PSMD5: variants seen among roughly 807,000 people sequenced by gnomAD.
PSMD5 encodes 26S proteasome non-ATPase regulatory subunit 5.
Under a neutral mutation model 52.1 loss-of-function variants are expected in PSMD5, and 40 were observed. The observed-to-expected ratio is 0.77, with a 90% CI of 0.60 to 1.00. The LOEUF (loss-of-function observed/expected upper bound fraction) is 1.00. Ranked by LOEUF, PSMD5 falls within the 50% of genes least tolerant of loss-of-function variation. The pLI is 0.00. For missense variants in PSMD5, 575 were observed against 605.2 expected, an observed-to-expected ratio of 0.95 and a Z score of 0.52; for synonymous variants, 211 against 226.6, an observed-to-expected ratio of 0.93 and a Z score of 0.62.
chr9:120,835,425 C>T (rs2045190991), intron 1 of PSMD5, among the ~76,000 whole-genome samples: 1 of 151,932 alleles, frequency 6.6e-6, no homozygotes, highest in South Asian at 2.1e-4. Flanking sequence ...TAGACGAATC[C>T]ATATAGAAAG....
chr9:120,830,662 C>T (rs2045153333), intron 4 of PSMD5, among the ~76,000 whole-genome samples: 1 of 152,028 alleles, frequency 6.6e-6, no homozygotes, highest in Admixed American at 6.6e-5. Context: ...CAAACATGCA[C>T]CCTATTAACT....
At chr9:120,822,036 A>G (rs1260006886) in intron 7 of PSMD5, among the ~76,000 whole-genome samples, 1 of 152,182 alleles carries the variant, frequency 6.6e-6, no homozygotes. Flanking sequence ...TATACCTGAA[A>G]GTGGAGCTGC....
rs754123712 is a variant in PSMD5, at chr9:120,817,916, CCTT to C, written c.1502_1504del (p.Glu501del). 5 of 1,611,906 alleles carry C rather than the reference CCTT, an allele frequency of 3.1e-6. No individual in the cohort carries two copies. Among genetic ancestry groups the C allele is most frequent in the Non-Finnish European group, 3.4e-6 (4 of 1,178,202 alleles). On this transcript the variant is annotated inframe_deletion, in exon 10 of 10. Coordinates refer to ENST00000210313, the MANE Select transcript of PSMD5 (RefSeq NM_005047.4). ...GAGCTCTAGAAGAAATCATTCGGCT[CCTT>C]CTACTGCTGTCGTGGAAACAGGTTT...
At chr9:120,824,204 A>C in intron 7 of PSMD5, 1 of 413,034 alleles carries the variant, frequency 2.4e-6, no homozygotes, top group Non-Finnish European at 4.4e-6. Flanking sequence ...CATGAAATCT[A>C]GTCAAAGAAG....
chr9:120,825,774 C>T (rs2045117563), intron 6 of PSMD5, among the ~76,000 whole-genome samples: 2 of 152,074 alleles, frequency 1.3e-5, no homozygotes, highest in African/African-American at 4.8e-5. Flanking sequence ...TTGTATCCTG[C>T]AGCTTTATTG....
At chr9:120,840,527 C>A (rs2045227477) in intron 1 of PSMD5, among the ~76,000 whole-genome samples, 1 of 151,872 alleles carries the variant, frequency 6.6e-6, no homozygotes, top group South Asian at 2.1e-4. Flanking sequence ...CTCACTGCAA[C>A]CTCCACCTCT....
At chr9:120,823,814 A>G (rs2045102958) in intron 7 of PSMD5, among the ~76,000 whole-genome samples, 1 of 152,118 alleles carries the variant, frequency 6.6e-6, no homozygotes, top group Non-Finnish European at 1.5e-5. Context: ...ATCTCTTAAC[A>G]TGCCAAAAGT....
intron 7 of PSMD5, among the ~76,000 whole-genome samples, chr9:120,822,357 T>A (rs2045091330): frequency 6.6e-6 from 1 of 152,178 alleles, no homozygotes; most frequent in South Asian, 2.1e-4. Context: ...ATAATTTGTA[T>A]GACCTTAGAA....
intron 1 of PSMD5, among the ~76,000 whole-genome samples, chr9:120,836,521 CG>C (rs1211280869): frequency 1.3e-5 from 2 of 151,684 alleles, no homozygotes; most frequent in Non-Finnish European, 1.5e-5. Context: ...CTCAGCCTCC[CG>C]AGTAGCTGGG....
At chr9:120,842,427 G>A (rs1288048343) in intron 1 of PSMD5, 18 of 428,630 alleles carry the variant, frequency 4.2e-5, no homozygotes, top group Middle Eastern at 6.0e-4. Context: ...ACAAAGAGAT[G>A]TGGAATGCTC....
At position 120,840,999 on chromosome 9, in the gene PSMD5, G is replaced by A. The variant is rs368300846; in HGVS notation, c.173+1738C>T. ...GATCTCTTGACCTGGTGATCTGCCCGCCTCAGCCTCCCAAAGTGTTGGGAA... is the reference window on the plus strand; with the variant it reads ...GATCTCTTGACCTGGTGATCTGCCCACCTCAGCCTCCCAAAGTGTTGGGAA... On this transcript the variant is annotated intron_variant, in intron 1 of 9. Transcript: ENST00000210313. Among the ~76,000 whole-genome samples, 58 of 152,150 alleles carry A rather than the reference G, an allele frequency of 3.8e-4. No homozygotes were observed. The East Asian group carries it at 3.9e-3, about 10-fold the overall frequency.
chr9:120,839,300 A>T (rs1019732087), intron 1 of PSMD5, among the ~76,000 whole-genome samples: 2 of 152,170 alleles, frequency 1.3e-5, no homozygotes, highest in African/African-American at 4.8e-5. Flanking sequence ...CATTCTAAAA[A>T]CTCACTACAG....
At position 120,820,913 on chromosome 9, in the gene PSMD5, G is replaced by C; in HGVS notation, c.1183C>G (p.Pro395Ala). 1 of 1,610,492 alleles carries C rather than the reference G, an allele frequency of 6.2e-7. No individual in the cohort carries two copies. Among genetic ancestry groups the C allele is most frequent in the Non-Finnish European group, 8.5e-7 (1 of 1,179,010 alleles). ...CTAATGCCACGGAAGAGCTCCAGTG[G>C]ATCCCGAGATAAAGAAGAAAACCAG... ...ESWFSSLSRDPLELFRGISSQ... is the reference protein window; with the variant it reads ...ESWFSSLSRDALELFRGISSQ... The change falls in exon 9 of 10, where the codon CCA (proline) becomes GCA (alanine). Residue 395 changes from proline to alanine, a missense_variant. Coordinates refer to ENST00000210313, the MANE Select transcript of PSMD5 (RefSeq NM_005047.4).
rs2045044569 is a variant in PSMD5 at position 120,816,638 on chromosome 9, C to G, written c.*1268G>C. 1.3e-5 allele frequency: 2 copies of G among 152,172 alleles called. No individual in the cohort carries two copies. The highest frequency in any genetic ancestry group is 2.9e-5 in the Non-Finnish European group (2 of 68,040). The allele number at this position is 152,172 out of a possible 1,614,324, so 9.4% of individuals were successfully genotyped here. A position where few individuals can be genotyped will look rare whatever the true frequency, so the allele number is the denominator to read the frequency against. The stretch of plus-strand genomic sequence containing the variant: ...AAGCAGGGGTGGTTTATCAACTTCA[C>G]CACGGCCTAAAAGAAATATGCTCAT... On this transcript the variant is annotated 3_prime_UTR_variant, in exon 10 of 10. Transcript: ENST00000210313.
intron 5 of PSMD5, among the ~76,000 whole-genome samples, chr9:120,827,120 A>T (rs569743023): frequency 6.6e-6 from 1 of 152,364 alleles, no homozygotes; most frequent in African/African-American, 2.4e-5. Context: ...GTTTAGATTT[A>T]AATCTTGACC....
At chr9:120,828,484 C>T (rs1456134238) in intron 5 of PSMD5, among the ~76,000 whole-genome samples, 2 of 136,942 alleles carry the variant, frequency 1.5e-5, no homozygotes, top group African/African-American at 5.5e-5. Context: ...TACTCTGTTG[C>T]CCAGGCTGGA....
At chr9:120,834,540 G>C (rs1476173210) in intron 1 of PSMD5, among the ~76,000 whole-genome samples, 1 of 152,146 alleles carries the variant, frequency 6.6e-6, no homozygotes, top group African/African-American at 2.4e-5. Context: ...ATAAGACATA[G>C]TATTATACTT....
intron 9 of PSMD5, among the ~76,000 whole-genome samples, chr9:120,819,232 G>A (rs185301621): frequency 5.3e-5 from 8 of 152,260 alleles, no homozygotes; most frequent in African/African-American, 1.4e-4. Flanking sequence ...CAACACCTGC[G>A]AGCTTGTTAG....
At chr9:120,839,234 G>A (rs2045217393) in intron 1 of PSMD5, among the ~76,000 whole-genome samples, 1 of 151,918 alleles carries the variant, frequency 6.6e-6, no homozygotes, top group Non-Finnish European at 1.5e-5. Context: ...TGGAGTGGAG[G>A]AAAAAAGTGA....
Sources: allele counts gnomAD v4.1 joint callset (sites outside exome capture counted in the v4.1 genomes callset), GRCh38; gene constraint gnomAD v4.1.1; transcripts MANE v1.5; gene names NCBI Gene and HGNC (gene_info 2026-07-23, HGNC 2026-07-21).